The following SMNDC1 variants were observed in gnomAD, a reference collection of about 807,000 sequenced individuals.
The protein encoded by SMNDC1 is survival motor neuron domain containing 1.
SMNDC1 carries 5 observed loss-of-function variants against 29.2 expected under a neutral mutation model. The observed-to-expected ratio is 0.17, with a 90% confidence interval of 0.09 to 0.36. The LOEUF (loss-of-function observed/expected upper bound fraction) is 0.36, where lower values mean the gene tolerates loss of function less well. Ranked by LOEUF, SMNDC1 falls within the 10% of genes least tolerant of loss-of-function variation. The pLI is 1.00. For missense variants in SMNDC1, 142 were observed against 268.5 expected (o/e 0.53, Z 3.29); for synonymous variants, 80 against 89.9 (o/e 0.89, Z 0.62).
chr10:110,296,217 T>G (rs1337973524), intron 4 of SMNDC1, among the ~76,000 whole-genome samples: 1 of 152,106 alleles, frequency 6.6e-6, no homozygotes, highest in Admixed American at 6.6e-5. Context: ...CTAAATAAGA[T>G]TCTAAATAGG....
At chr10:110,303,633 T>C (rs1695318922) in intron 1 of SMNDC1, 46 bp from the exon 2 acceptor site, 1 of 1,535,182 alleles carries the variant, frequency 6.5e-7, no homozygotes, top group Non-Finnish European at 8.7e-7. Context: ...AAACCAAAAA[T>C]CAAGGCATAA....
intron 4 of SMNDC1, among the ~76,000 whole-genome samples, chr10:110,296,373 T>C (rs1013767909): frequency 2.0e-5 from 3 of 152,172 alleles, no homozygotes; most frequent in African/African-American, 7.2e-5. Flanking sequence ...TTTACACAGA[T>C]GACAAAGACA....
Position 110,294,090 on chromosome 10 carries a change from T to C in SMNDC1, c.*60A>G. On this transcript the variant is annotated 3_prime_UTR_variant, in exon 6 of 6. Coordinates refer to ENST00000369603, the MANE Select transcript of SMNDC1 (RefSeq NM_005871.4). The stretch of plus-strand genomic sequence containing the variant: ...AACAAATAATTTACCTTTAGAAAAA[T>C]ATAAGGATAAAAAGGTAAATGTAAA... 2 of 1,328,464 alleles carry C rather than the reference T, an allele frequency of 1.5e-6. No individual in the cohort carries two copies. Among genetic ancestry groups the C allele is most frequent in the South Asian group, 1.7e-5 (1 of 59,102 alleles). The allele number at this position is 1,328,464 out of a possible 1,614,324, so 82.3% of individuals were successfully genotyped here. A position where few individuals can be genotyped will look rare whatever the true frequency, so the allele number is the denominator to read the frequency against.
At chr10:110,300,668 C>G (rs1007526467) in intron 2 of SMNDC1, 40 of 985,240 alleles carry the variant, frequency 4.1e-5, no homozygotes, top group Admixed American at 6.1e-5. Flanking sequence ...TACATATCAG[C>G]AGGTCAAATG....
chr10:110,298,466 T>G (rs921731400), intron 3 of SMNDC1, among the ~76,000 whole-genome samples, 182 bp downstream of exon 3: 5 of 152,178 alleles, frequency 3.3e-5, no homozygotes, highest in African/African-American at 1.2e-4. Context: ...CCCCAAAACT[T>G]AATCTAAAGC....
chr10:110,299,765 T>C (rs1231891963), intron 2 of SMNDC1, among the ~76,000 whole-genome samples: 1 of 152,230 alleles, frequency 6.6e-6, no homozygotes, highest in Non-Finnish European at 1.5e-5. Context: ...TGAGGTTTCA[T>C]AATAGTAATT....
chr10:110,294,931 T>C (rs1002860351), intron 5 of SMNDC1, among the ~76,000 whole-genome samples: 4 of 152,342 alleles, frequency 2.6e-5, no homozygotes, highest in South Asian at 2.1e-4. Flanking sequence ...ACAAAGCAGA[T>C]AGAGTTAAGC....
chr10:110,303,321 C>A (rs531730859), intron 2 of SMNDC1, 147 bp downstream of exon 2: 1 of 611,268 alleles, frequency 1.6e-6, no homozygotes, highest in East Asian at 3.1e-5. Context: ...GGGGAAGCAA[C>A]CCTACTTCTA....
In SMNDC1 at chr10:110,291,186, AG is replaced by A. The variant is rs1857496036; in HGVS notation, c.*2963del. On this transcript the variant is annotated 3_prime_UTR_variant, in exon 6 of 6. Transcript: ENST00000369603. ...CAGTTCTCAGACGGGGATGCACATC[AG>A]GATCACCTGCGGTGTTCGTCAAACA... The A allele has an allele frequency of 6.6e-6, 1 of 152,230 alleles. No individual in the cohort carries two copies. Among genetic ancestry groups the A allele is most frequent in the Admixed American group, 6.5e-5 (1 of 15,278 alleles). 9.4% of individuals were successfully genotyped at this position (152,230 alleles called of 1,614,324 possible). A position where few individuals can be genotyped will look rare whatever the true frequency, so the allele number is the denominator to read the frequency against.
chr10:110,296,203 C>CATTCTAAATAAG (rs1366803826), intron 4 of SMNDC1, among the ~76,000 whole-genome samples: 2 of 152,104 alleles, frequency 1.3e-5, no homozygotes, highest in Non-Finnish European at 2.9e-5. Context: ...GTTTCAAAAA[C>CATTCTAAATAAG]ATTCTAAATA....
In SMNDC1 at chr10:110,295,250, T is replaced by C; in HGVS notation, c.557A>G (p.Tyr186Cys). ...AACCTGGCCTTTTTTGTTTTTAGAATAGGCTCTGTTGTTGAATTGTTGCCA... is the reference window on the plus strand; with the variant it reads ...AACCTGGCCTTTTTTGTTTTTAGAACAGGCTCTGTTGTTGAATTGTTGCCA... Reference protein sequence around the residue: ...VKWQQFNNRAYSKNKKGQVKR... With the variant: ...VKWQQFNNRACSKNKKGQVKR... Residue 186 changes from tyrosine (Y) to cysteine (C), a missense_variant, in exon 5 of 6, where the codon TAT (tyrosine) becomes TGT (cysteine). Transcript: ENST00000369603. 5 of 1,596,866 alleles carry C rather than the reference T, an allele frequency of 3.1e-6. No homozygotes were observed. Among genetic ancestry groups the C allele is most frequent in the Non-Finnish European group, 4.3e-6 (5 of 1,175,902 alleles).
chr10:110,302,756 A>G (rs2134505012), intron 2 of SMNDC1, among the ~76,000 whole-genome samples: 1 of 152,196 alleles, frequency 6.6e-6, no homozygotes, highest in South Asian at 2.1e-4. Flanking sequence ...GGTGTCCTGA[A>G]ACACAAAAGG....
rs748754477 is a variant in SMNDC1 at position 110,290,732 on chromosome 10, T to TA, written c.*3417dup. On this transcript the variant is annotated 3_prime_UTR_variant, in exon 6 of 6. Coordinates refer to ENST00000369603, the MANE Select transcript of SMNDC1 (RefSeq NM_005871.4). ...AGCTGATATTTATTGAATCAAGATT[T>TA]AAAAAAATATAAAACCTCATTGGTT... 2.6e-5 allele frequency: 4 copies of TA among 152,270 alleles called. No homozygotes were observed. Among genetic ancestry groups the TA allele is most frequent in the African/African-American group, 9.6e-5 (4 of 41,562 alleles). 9.4% of individuals were successfully genotyped at this position (152,270 alleles called of 1,614,324 possible). A position where few individuals can be genotyped will look rare whatever the true frequency, so the allele number is the denominator to read the frequency against.
At chr10:110,304,520 C>T (rs987670888) in intron 1 of SMNDC1, 7 of 152,246 alleles carry the variant, frequency 4.6e-5, no homozygotes, top group Non-Finnish European at 8.8e-5. Context: ...CCCAGCCCCA[C>T]CCGACCCGGT....
chr10:110,302,219 G>A lies in SMNDC1; in HGVS notation c.120+1249C>T, dbSNP rs143541826. On this transcript the variant is annotated intron_variant, in intron 2 of 5. Coordinates refer to ENST00000369603, the MANE Select transcript of SMNDC1 (RefSeq NM_005871.4). ...ATATGAGCAAATCAAATGGACAGGT[G>A]GCAAACCACTGGGTTATTTCTCACT... Among the ~76,000 whole-genome samples, 1,050 of 152,274 alleles carry A rather than the reference G, an allele frequency of 6.9e-3. 6 individuals are homozygous for A. Among genetic ancestry groups the A allele is most frequent in the Non-Finnish European group, 9.7e-3 (659 of 68,016 alleles).
chr10:110,295,524 G>T, intron 4 of SMNDC1, 143 bp from the exon 5 acceptor site: 1 of 530,248 alleles, frequency 1.9e-6, no homozygotes, highest in East Asian at 3.5e-5. Flanking sequence ...ATTAAAATCA[G>T]TACCAATCAC....
chr10:110,297,139 G>T (rs1356440653), intron 4 of SMNDC1, among the ~76,000 whole-genome samples: 1 of 152,158 alleles, frequency 6.6e-6, no homozygotes, highest in Non-Finnish European at 1.5e-5. Flanking sequence ...AATAATAAAA[G>T]TGGAGGCTGA....
rs558289136 is a variant in SMNDC1 at position 110,294,009 on chromosome 10, C to T, written c.*141G>A. On this transcript the variant is annotated 3_prime_UTR_variant, in exon 6 of 6. Coordinates refer to ENST00000369603, the MANE Select transcript of SMNDC1 (RefSeq NM_005871.4). ...GCAGTTATCAAATGCAATTTCTTCA[C>T]GTTTCATTCTACTGAAGCCAACCAA... is the stretch of plus-strand genomic sequence containing the variant. 3.4e-6 allele frequency: 2 copies of T among 585,570 alleles called. No homozygotes were observed. The highest frequency in any genetic ancestry group is 5.6e-6 in the Non-Finnish European group (2 of 355,098). The allele number at this position is 585,570 out of a possible 1,614,324, so 36.3% of individuals were successfully genotyped here. A position where few individuals can be genotyped will look rare whatever the true frequency, so the allele number is the denominator to read the frequency against.
chr10:110,304,148 GAAC>G (rs1857702364), intron 1 of SMNDC1: 1 of 152,280 alleles, frequency 6.6e-6, no homozygotes, highest in Non-Finnish European at 1.5e-5. Context: ...TCAGCAAAAA[GAAC>G]AGCACAGGTA....
Sources: allele counts gnomAD v4.1 joint callset (sites outside exome capture counted in the v4.1 genomes callset), GRCh38; gene constraint gnomAD v4.1.1; transcripts MANE v1.5; gene names NCBI Gene and HGNC (gene_info 2026-07-23, HGNC 2026-07-21).